GRIP1: variants seen among roughly 807,000 people sequenced by gnomAD.
The protein encoded by GRIP1 is glutamate receptor interacting protein 1.
GRIP1 carries 45 observed loss-of-function variants against 129.9 expected under a neutral mutation model. That is an observed-to-expected ratio of 0.35 (90% confidence interval 0.27 to 0.44). The LOEUF (loss-of-function observed/expected upper bound fraction) is 0.44, where lower values mean the gene tolerates loss of function less well. GRIP1 is among the 20% of genes least tolerant of loss of function. GRIP1 has a pLI of 1.00. For synonymous variants in GRIP1, 530 were observed against 520.8 expected, an observed-to-expected ratio of 1.02 and a Z score of -0.24; for missense variants, 1,196 against 1,396.8, an observed-to-expected ratio of 0.86 and a Z score of 2.29.
At chr12:66,411,514 A>G (rs932419805) in intron 15 of GRIP1, among the ~76,000 whole-genome samples, 4 of 152,234 alleles carry the variant, frequency 2.6e-5, no homozygotes, top group African/African-American at 9.6e-5. Context: ...TAAGTTCACA[A>G]AGATGAGAAA....
chr12:66,406,986 G>A (rs1416719737), intron 15 of GRIP1, among the ~76,000 whole-genome samples: 1 of 152,100 alleles, frequency 6.6e-6, no homozygotes, highest in East Asian at 1.9e-4. Flanking sequence ...AAAACTGGCT[G>A]TGGACCAGGG....
At chr12:66,603,535 G>A (rs2064375818) in intron 1 of GRIP1, among the ~76,000 whole-genome samples, 1 of 152,190 alleles carries the variant, frequency 6.6e-6, no homozygotes, top group Non-Finnish European at 1.5e-5. Context: ...TTATTTGTAT[G>A]CACGTTCATG....
chr12:67,065,352 C>T (rs568454989), intron 1 of GRIP1: 1 of 152,026 alleles, frequency 6.6e-6, no homozygotes, highest in South Asian at 2.1e-4. Flanking sequence ...ATAATAATTG[C>T]TAAAACAGAA....
intron 1 of GRIP1, among the ~76,000 whole-genome samples, chr12:66,782,438 A>C (rs1038148783): frequency 6.6e-6 from 1 of 152,204 alleles, no homozygotes; most frequent in African/African-American, 2.4e-5. Context: ...GTGGTGAAAA[A>C]CAAAAGGTCT....
chr12:66,717,447 C>T (rs551220418), intron 1 of GRIP1, among the ~76,000 whole-genome samples: 5 of 150,972 alleles, frequency 3.3e-5, no homozygotes, highest in Admixed American at 6.6e-5. Context: ...AGAAAATGTA[C>T]GCATCTGATG....
chr12:67,027,015 A>G (rs2042951095), intron 1 of GRIP1, among the ~76,000 whole-genome samples: 1 of 152,146 alleles, frequency 6.6e-6, no homozygotes, highest in Non-Finnish European at 1.5e-5. Flanking sequence ...CTCGACCTCC[A>G]GGGCTCAAGT....
intron 13 of GRIP1, 66 bp downstream of exon 13, chr12:66,444,518 T>C: frequency 9.0e-7 from 1 of 1,108,434 alleles, no homozygotes; most frequent in Non-Finnish European, 1.3e-6. Flanking sequence ...AAAAAAATAG[T>C]TTCCTCTCTG....
intron 1 of GRIP1, among the ~76,000 whole-genome samples, chr12:66,602,509 G>A (rs570978997): frequency 1.2e-4 from 18 of 152,244 alleles, no homozygotes; most frequent in Admixed American, 3.3e-4. Flanking sequence ...AGGCTGCCAA[G>A]TCCTACACAG....
At chr12:66,840,515 C>A (rs560067349) in intron 1 of GRIP1, among the ~76,000 whole-genome samples, 129 of 152,292 alleles carry the variant, frequency 8.5e-4, no homozygotes, top group Non-Finnish European at 1.6e-3. Context: ...GTAAGGGCTG[C>A]ACTGTTAATG....
intron 1 of GRIP1, among the ~76,000 whole-genome samples, chr12:66,800,711 A>T (rs1317503028): frequency 6.6e-6 from 1 of 152,122 alleles, no homozygotes; most frequent in Non-Finnish European, 1.5e-5. Context: ...CAAACATAAA[A>T]AAATGGAATG....
chr12:66,417,712 T>C (rs544976758), intron 15 of GRIP1, among the ~76,000 whole-genome samples: 6 of 152,142 alleles, frequency 3.9e-5, no homozygotes, highest in African/African-American at 1.4e-4. Flanking sequence ...TAAAATCAAA[T>C]ACTTAGAAAT....
At chr12:67,025,415 T>C (rs1231220794) in intron 1 of GRIP1, among the ~76,000 whole-genome samples, 3 of 149,482 alleles carry the variant, frequency 2.0e-5, no homozygotes, top group African/African-American at 7.3e-5. Context: ...TGAAAAAAAC[T>C]GCAATTTGGA....
chr12:66,441,857 C>T (rs2058479595), intron 13 of GRIP1, among the ~76,000 whole-genome samples: 1 of 152,166 alleles, frequency 6.6e-6, no homozygotes, highest in Admixed American at 6.5e-5. Context: ...GTCTACCTGA[C>T]TGCTCACCCT....
chr12:66,633,569 G>A (rs2031057815), intron 1 of GRIP1, among the ~76,000 whole-genome samples: 1 of 152,114 alleles, frequency 6.6e-6, no homozygotes, highest in South Asian at 2.1e-4. Context: ...TTGAGTACCT[G>A]AAGATGGCCA....
chr12:66,349,261 A>C lies in GRIP1; in HGVS notation c.3160-15T>G, dbSNP rs764801851. 2.8e-5 allele frequency: 45 copies of C among 1,580,774 alleles called. No individual in the cohort carries two copies. The highest frequency in any genetic ancestry group is 8.7e-7 in the Non-Finnish European group (1 of 1,149,864). ...ACATGATTCACCTGAAAGGTCAAGA[A>C]CAGCCATTTTGAATTATCGTTGTAA... On this transcript the variant is annotated splice_polypyrimidine_tract_variant and intron_variant, in intron 24 of 24. Coordinates refer to ENST00000359742, the MANE Select transcript of GRIP1 (RefSeq NM_001366722.1).
intron 1 of GRIP1, chr12:66,626,721 T>G (rs2030101695): frequency 6.5e-6 from 1 of 152,930 alleles, no homozygotes; most frequent in Non-Finnish European, 1.5e-5. Context: ...AAAGGAGGTA[T>G]AGTCAGCGTC....
chr12:66,542,975 C>T (rs1273718408), intron 2 of GRIP1, among the ~76,000 whole-genome samples: 2 of 152,150 alleles, frequency 1.3e-5, no homozygotes, highest in Non-Finnish European at 2.9e-5. Flanking sequence ...AGATTATTTG[C>T]ACACCTTAAC....
chr12:67,022,987 G>C (rs1236073729), intron 1 of GRIP1, among the ~76,000 whole-genome samples: 1 of 151,986 alleles, frequency 6.6e-6, no homozygotes, highest in Non-Finnish European at 1.5e-5. Context: ...CAAACCTTTT[G>C]CCCACTTTTA....
intron 7 of GRIP1, among the ~76,000 whole-genome samples, chr12:66,487,002 G>A (rs562949842): frequency 2.7e-4 from 41 of 152,106 alleles, no homozygotes; most frequent in Non-Finnish European, 5.3e-4. Flanking sequence ...TGTTGCCCAG[G>A]CTGGTCTCAA....
Sources: gnomAD v4.1 joint callset for allele counts (sites outside exome capture counted in the v4.1 genomes callset) on GRCh38, gnomAD v4.1.1 for gene constraint, MANE v1.5 for transcripts, NCBI Gene and HGNC (gene_info 2026-07-23, HGNC 2026-07-21) for gene names.